Variants in WDPCP observed in about 807,000 individuals in gnomAD.
WDPCP encodes the protein WD repeat containing planar cell polarity effector.
WDPCP carries 71 observed loss-of-function variants against 93.1 expected under a neutral mutation model. That is an observed-to-expected ratio of 0.76 (90% CI 0.63 to 0.93). WDPCP has a LOEUF of 0.93. Among genes scored for constraint, WDPCP ranks in the 40% least tolerant of loss-of-function variants. The probability of loss-of-function intolerance (pLI) is 0.00; values close to 1 mark genes in which losing one functional copy is unlikely to be tolerated. For synonymous variants in WDPCP, 315 were observed against 315.0 expected (o/e 1.00, Z 0.00); for missense variants, 844 against 887.4 (o/e 0.95, Z 0.62).
intron 2 of WDPCP, among the ~76,000 whole-genome samples, chr2:63,808,004 TGTACTTACTGAATTA>T (rs1159419519): frequency 6.6e-6 from 1 of 152,216 alleles, no homozygotes. Context: ...AGATATTCAA[TGTACTTACTGAATTA>T]TTACAAAGAG....
chr2:63,121,979 A>T lies in WDPCP; in HGVS notation c.*27T>A, dbSNP rs1412252217. 2.5e-6 allele frequency: 4 copies of T among 1,612,936 alleles called. No homozygotes were observed. The highest frequency in any genetic ancestry group is 3.4e-6 in the Non-Finnish European group (4 of 1,179,624). ...GGCCATGAAAAGTTTAGATATGAAGAAGGCAGTTTTCTTTTTTTCTTAATG... is the reference window on the plus strand; with the variant it reads ...GGCCATGAAAAGTTTAGATATGAAGTAGGCAGTTTTCTTTTTTTCTTAATG... On this transcript the variant is annotated 3_prime_UTR_variant, in exon 18 of 18. Transcript: ENST00000272321.
chr2:63,338,565 AAAAAATAT>A (rs1289786895), intron 12 of WDPCP, among the ~76,000 whole-genome samples: 48 of 40,328 alleles, frequency 1.2e-3, no homozygotes, highest in Admixed American at 2.5e-3. Context: ...AAAAAAAAAA[AAAAAATAT>A]ATATATATAT....
At position 63,674,071 on chromosome 2, in the gene WDPCP, T is replaced by G. The variant is rs145150362; in HGVS notation, n.309-23233A>C. Among the ~76,000 whole-genome samples the G allele has an allele frequency of 3.1e-3, 473 of 152,312 alleles. 1 individual carries two copies. The highest frequency in any genetic ancestry group is 5.3e-3 in the Non-Finnish European group (358 of 68,026). On this transcript the variant is annotated intron_variant and non_coding_transcript_variant, in intron 2 of 4. Coordinates refer to the WDPCP transcript ENST00000467687. ...GCCTCAGGCAGCCCTGCCCTGTTCT[T>G]GATCACAACTCTGGTTTCGAGGAGC...
At chr2:63,840,626 CG>C in the WDPCP span, among the ~76,000 whole-genome samples, 1 of 152,218 alleles carries the variant, frequency 6.6e-6, no homozygotes, top group Non-Finnish European at 1.5e-5. Context: ...TGGGCTCCCT[CG>C]GGGCAGCTGC....
chr2:63,530,138 T>C (rs1469999937), intron 1 of WDPCP, among the ~76,000 whole-genome samples: 1 of 152,222 alleles, frequency 6.6e-6, no homozygotes. Flanking sequence ...TGTTGATCTT[T>C]TCAAAAAACC....
chr2:63,291,961 G>A (rs144546893), intron 13 of WDPCP, among the ~76,000 whole-genome samples: 1,889 of 151,622 alleles, frequency 0.012, 50 homozygotes, highest in African/African-American at 0.044. Flanking sequence ...TTGAAACCCC[G>A]TCTGTACTAA....
intron 15 of WDPCP, among the ~76,000 whole-genome samples, chr2:63,158,023 A>ATT (rs76902515): frequency 2.0e-5 from 3 of 148,150 alleles, no homozygotes; most frequent in African/African-American, 5.0e-5. Flanking sequence ...TTAAGCTGTG[A>ATT]TTTTTTTTTT....
intron 2 of WDPCP, among the ~76,000 whole-genome samples, chr2:63,798,665 AAG>A (rs2104026411): frequency 6.6e-6 from 1 of 152,254 alleles, no homozygotes; most frequent in African/African-American, 2.4e-5. Flanking sequence ...AAAAAAGTAA[AAG>A]AAGACCACCA....
chr2:63,703,264 A>T (rs952838425), intron 2 of WDPCP, among the ~76,000 whole-genome samples: 6 of 152,170 alleles, frequency 3.9e-5, no homozygotes, highest in Admixed American at 3.3e-4. Flanking sequence ...GTCAAAGGGT[A>T]TTTCTAATTC....
intron 2 of WDPCP, among the ~76,000 whole-genome samples, chr2:63,680,490 G>A (rs1331504271): frequency 6.6e-6 from 1 of 152,166 alleles, no homozygotes; most frequent in African/African-American, 2.4e-5. Context: ...TCCACAGAGG[G>A]AGCATTTGGA....
intron 2 of WDPCP, among the ~76,000 whole-genome samples, chr2:63,700,298 A>AC (rs1464890614): frequency 9.6e-6 from 1 of 104,128 alleles, no homozygotes; most frequent in East Asian, 2.0e-4. Context: ...AAAAAAAAAA[A>AC]AAAAACAAAA....
chr2:63,548,802 T>C (rs749273074), intron 1 of WDPCP, among the ~76,000 whole-genome samples: 1 of 151,760 alleles, frequency 6.6e-6, no homozygotes, highest in African/African-American at 2.4e-5. Context: ...GCAAAACACA[T>C]TTTCTAACTA....
intron 6 of WDPCP, among the ~76,000 whole-genome samples, chr2:63,469,685 TG>T (rs1699580255): frequency 6.6e-6 from 1 of 152,056 alleles, no homozygotes; most frequent in Admixed American, 6.6e-5. Flanking sequence ...CAATAGACAC[TG>T]GGGCCTACCT....
intron 17 of WDPCP, among the ~76,000 whole-genome samples, chr2:63,134,299 TC>T (rs1670473700): frequency 2.0e-5 from 3 of 152,190 alleles, no homozygotes; most frequent in Non-Finnish European, 4.4e-5. Flanking sequence ...CCTCCAAAAT[TC>T]ACATTTTATT....
intron 9 of WDPCP, among the ~76,000 whole-genome samples, chr2:63,424,591 G>C (rs781430252): frequency 6.6e-5 from 10 of 152,192 alleles, no homozygotes; most frequent in Admixed American, 6.5e-5. Context: ...GCCAGAGAGC[G>C]AAGCTGCAGG....
At chr2:63,610,874 G>A (rs978141810) in intron 3 of WDPCP, among the ~76,000 whole-genome samples, 4 of 152,142 alleles carry the variant, frequency 2.6e-5, no homozygotes, top group African/African-American at 7.2e-5. Context: ...CAGGCAGATC[G>A]CTTTGAGCTC....
intron 13 of WDPCP, among the ~76,000 whole-genome samples, chr2:63,301,436 T>C (rs1685324793): frequency 6.6e-6 from 1 of 152,178 alleles, no homozygotes; most frequent in African/African-American, 2.4e-5. Context: ...GCACAGGCCA[T>C]AATAGCAGGA....
intron 12 of WDPCP, 67 bp from the exon 13 acceptor site, chr2:63,313,378 T>C: frequency 1.4e-6 from 2 of 1,457,676 alleles, no homozygotes; most frequent in Non-Finnish European, 1.9e-6. Context: ...GAGCTGTTTA[T>C]TTAACATATA....
At chr2:63,363,878 G>T (rs992779748) in intron 12 of WDPCP, among the ~76,000 whole-genome samples, 11 of 151,816 alleles carry the variant, frequency 7.2e-5, no homozygotes, top group Non-Finnish European at 4.4e-5. Context: ...CATTAACCAA[G>T]ATAATACCCA....
Sources: gnomAD v4.1 joint callset for allele counts (sites outside exome capture counted in the v4.1 genomes callset) on GRCh38, gnomAD v4.1.1 for gene constraint, MANE v1.5 for transcripts, NCBI Gene and HGNC (gene_info 2026-07-23, HGNC 2026-07-21) for gene names.